SCHIP1: variants seen among roughly 807,000 people sequenced by gnomAD.
SCHIP1 encodes the protein schwannomin interacting protein 1, also known as schwannomin-interacting protein 1.
SCHIP1 carries 8 observed loss-of-function variants against 29.7 expected under a neutral mutation model. That is an observed-to-expected ratio of 0.27 (90% CI 0.16 to 0.49). The LOEUF (loss-of-function observed/expected upper bound fraction) is 0.49, where lower values mean the gene tolerates loss of function less well. Among genes scored for constraint, SCHIP1 ranks in the 20% least tolerant of loss-of-function variants. SCHIP1 has a pLI of 0.99. For missense variants in SCHIP1, 193 were observed against 294.6 expected (o/e 0.66, Z 2.52); for synonymous variants, 76 against 94.9 (o/e 0.80, Z 1.16).
the SCHIP1 span, among the ~76,000 whole-genome samples, chr3:159,331,738 G>C: frequency 6.6e-6 from 1 of 152,180 alleles, no homozygotes; most frequent in Admixed American, 6.5e-5. Context: ...TTCTGTATTA[G>C]CCTCTTGACT....
the SCHIP1 span, among the ~76,000 whole-genome samples, chr3:159,317,624 C>T: frequency 6.6e-6 from 1 of 152,182 alleles, no homozygotes; most frequent in African/African-American, 2.4e-5. Context: ...CTTCAAAAGG[C>T]CATTCTACTG....
the SCHIP1 span, among the ~76,000 whole-genome samples, chr3:159,692,013 C>CTTTT: frequency 1.5e-4 from 14 of 90,946 alleles, no homozygotes; most frequent in African/African-American, 3.4e-4. Flanking sequence ...CCCGACCTTT[C>CTTTT]TTTTTTTTTT....
chr3:159,469,694 A>G, the SCHIP1 span, among the ~76,000 whole-genome samples: 8 of 152,126 alleles, frequency 5.3e-5, no homozygotes, highest in Non-Finnish European at 1.2e-4. Flanking sequence ...CCCTCAGACC[A>G]ATCCTGAAAA....
intron 2 of SCHIP1, among the ~76,000 whole-genome samples, chr3:159,877,503 T>C (rs188349617): frequency 6.6e-6 from 1 of 152,332 alleles, no homozygotes; most frequent in East Asian, 1.9e-4. Context: ...GAGATGAAGC[T>C]TACCATGGAA....
the SCHIP1 span, among the ~76,000 whole-genome samples, chr3:159,339,346 T>G: frequency 6.6e-6 from 1 of 151,760 alleles, no homozygotes; most frequent in South Asian, 2.1e-4. Flanking sequence ...TTTTGGTAAA[T>G]AAAGAAACTC....
At chr3:159,668,726 C>T in the SCHIP1 span, among the ~76,000 whole-genome samples, 1 of 152,162 alleles carries the variant, frequency 6.6e-6, no homozygotes, top group African/African-American at 2.4e-5. Flanking sequence ...AATAACTGTT[C>T]AGACATTACA....
At chr3:159,566,386 AC>A in the SCHIP1 span, among the ~76,000 whole-genome samples, 1 of 152,238 alleles carries the variant, frequency 6.6e-6, no homozygotes, top group Non-Finnish European at 1.5e-5. Flanking sequence ...TGTTCTAGGT[AC>A]CAGGACACTG....
chr3:159,894,958 G>A (rs1018866357), intron 6 of SCHIP1, among the ~76,000 whole-genome samples: 10 of 152,038 alleles, frequency 6.6e-5, no homozygotes, highest in Non-Finnish European at 1.3e-4. Context: ...TGATGTATGT[G>A]CGTGCATGTG....
At chr3:159,571,843 GT>G in the SCHIP1 span, among the ~76,000 whole-genome samples, 7 of 152,090 alleles carry the variant, frequency 4.6e-5, no homozygotes, top group African/African-American at 1.4e-4. Flanking sequence ...CTTCTTCCTG[GT>G]TTAGTCCTGG....
intron 1 of SCHIP1, among the ~76,000 whole-genome samples, chr3:159,862,219 A>C (rs1314261907): frequency 1.3e-5 from 2 of 152,126 alleles, no homozygotes; most frequent in East Asian, 3.8e-4. Context: ...GCCACATTTT[A>C]TCCTCTGCAT....
chr3:159,334,334 T>TA, the SCHIP1 span, among the ~76,000 whole-genome samples: 2 of 152,162 alleles, frequency 1.3e-5, no homozygotes, highest in African/African-American at 4.8e-5. Flanking sequence ...GAGACAGTTA[T>TA]ATATTTGGTT....
the SCHIP1 span, among the ~76,000 whole-genome samples, chr3:159,662,030 A>C: frequency 6.6e-6 from 1 of 151,998 alleles, no homozygotes; most frequent in Non-Finnish European, 1.5e-5. Context: ...CTCCATCCTG[A>C]CTCATCATGG....
the SCHIP1 span, among the ~76,000 whole-genome samples, chr3:159,755,145 G>C: frequency 1.3e-5 from 2 of 152,122 alleles, no homozygotes; most frequent in Admixed American, 1.3e-4. Flanking sequence ...TGAGGCAGGA[G>C]AATGGCAAGA....
At chr3:159,334,307 A>G in the SCHIP1 span, among the ~76,000 whole-genome samples, 1 of 152,178 alleles carries the variant, frequency 6.6e-6, no homozygotes, top group African/African-American at 2.4e-5. Flanking sequence ...AAGATAATCT[A>G]TAGAGATTTT....
the SCHIP1 span, among the ~76,000 whole-genome samples, chr3:159,537,953 C>T: frequency 1.3e-5 from 2 of 152,114 alleles, no homozygotes; most frequent in Non-Finnish European, 2.9e-5. Context: ...TAGGCACAAA[C>T]TCATTTAACT....
chr3:159,593,865 T>C, the SCHIP1 span, among the ~76,000 whole-genome samples: 1 of 152,198 alleles, frequency 6.6e-6, no homozygotes, highest in African/African-American at 2.4e-5. Flanking sequence ...CTTTCTGAAG[T>C]AGTGTAGGGC....
intron 2 of SCHIP1, among the ~76,000 whole-genome samples, chr3:159,872,851 T>C (rs1423017325): frequency 6.6e-6 from 1 of 152,230 alleles, no homozygotes; most frequent in Non-Finnish European, 1.5e-5. Flanking sequence ...CTATCCCTGT[T>C]AGAATTTGTT....
chr3:159,537,682 A>G, the SCHIP1 span, among the ~76,000 whole-genome samples: 652 of 152,152 alleles, frequency 4.3e-3, 9 homozygotes, highest in Admixed American at 0.021. Context: ...CAGCTACCCA[A>G]CCATAGAGCC....
At chr3:159,811,025 T>G in the SCHIP1 span, among the ~76,000 whole-genome samples, 1 of 152,236 alleles carries the variant, frequency 6.6e-6, no homozygotes, top group East Asian at 1.9e-4. Context: ...AGCATCTCCT[T>G]GTAGTTTTAA....
Sources: gnomAD v4.1 joint callset for allele counts (sites outside exome capture counted in the v4.1 genomes callset) on GRCh38, gnomAD v4.1.1 for gene constraint, MANE v1.5 for transcripts, NCBI Gene and HGNC (gene_info 2026-07-23, HGNC 2026-07-21) for gene names.